The following AAK1 variants were observed in gnomAD, a reference collection of about 807,000 sequenced individuals.
AAK1 encodes AP2 associated kinase 1.
Under a neutral mutation model 116.0 loss-of-function variants are expected in AAK1, and 37 were observed. That is an observed-to-expected ratio of 0.32 (90% CI 0.25 to 0.42). AAK1 has a LOEUF of 0.42. AAK1 is among the 10% of genes least tolerant of loss of function. The probability of loss-of-function intolerance (pLI) is 1.00; values close to 1 mark genes in which losing one functional copy is unlikely to be tolerated. For missense variants in AAK1, 919 were observed against 1,170.6 expected, an observed-to-expected ratio of 0.79 and a Z score of 3.14; for synonymous variants, 458 against 439.9, an observed-to-expected ratio of 1.04 and a Z score of -0.51.
chr2:69,587,384 C>T (rs200502299), intron 2 of AAK1, among the ~76,000 whole-genome samples: 8 of 35,920 alleles, frequency 2.2e-4, no homozygotes, highest in East Asian at 4.4e-3. Flanking sequence ...CACATATATA[C>T]ACACACGTGT....
Position 69,519,070 on chromosome 2 carries a change from G to T in AAK1, c.1381C>A (p.Pro461Thr), listed in dbSNP as rs750429414. The change falls in exon 12 of 22, where the codon CCC becomes ACC. Residue 461 changes from proline to threonine, a missense_variant. Around this residue, in one of 4 missense-constraint regions of AAK1, gnomAD observed 214 missense variants for 210.6 expected, o/e 1.02. Transcript: ENST00000409085. ...AGGAAGAGTTGCTGCTGGTGCTGGGGTGTGGCCTGGGCCTGAGCGGGCAGA... is the reference window on the plus strand; with the variant it reads ...AGGAAGAGTTGCTGCTGGTGCTGGGTTGTGGCCTGGGCCTGAGCGGGCAGA... ...QGLPAQAQAT[P>T]QHQQQLFLKQ... The T allele has an allele frequency of 1.9e-6, 3 of 1,551,468 alleles. No individual in the cohort carries two copies. In the South Asian group the frequency reaches 3.6e-5, roughly 18 times the overall value.
At chr2:69,515,094 C>T (rs988963763) in intron 12 of AAK1, among the ~76,000 whole-genome samples, 1 of 152,156 alleles carries the variant, frequency 6.6e-6, no homozygotes, top group African/African-American at 2.4e-5. Flanking sequence ...TAAACGATCT[C>T]CTAATCATAG....
Position 69,469,742 on chromosome 2 carries a change from T to C in AAK1, c.*6127A>G. ...TTCCCTCAAACTGGATCATGCCTCTTTTTATTTTGGTTTCACACATAAAAT... is the reference window on the plus strand; with the variant it reads ...TTCCCTCAAACTGGATCATGCCTCTCTTTATTTTGGTTTCACACATAAAAT... On this transcript the variant is annotated 3_prime_UTR_variant, in exon 22 of 22. Coordinates refer to ENST00000409085, the MANE Select transcript of AAK1 (RefSeq NM_014911.5). 1 of 985,376 alleles carries C rather than the reference T, an allele frequency of 1.0e-6. No individual in the cohort carries two copies. Among genetic ancestry groups the C allele is most frequent in the South Asian group, 4.7e-5 (1 of 21,290 alleles). The allele number at this position is 985,376 out of a possible 1,614,324, so 61.0% of individuals were successfully genotyped here.
Position 69,530,584 on chromosome 2 carries a change from C to T in AAK1, c.738+41G>A, listed in dbSNP as rs770149002. The stretch of plus-strand genomic sequence containing the variant: ...TAACCTTGGGAATTCACAGTCAAGA[C>T]TGCTGCTATCTGAGGTATGGATAGG... On this transcript the variant is annotated intron_variant, in intron 7 of 21. Coordinates refer to ENST00000409085, the MANE Select transcript of AAK1 (RefSeq NM_014911.5). 4 of 1,523,078 alleles carry T rather than the reference C, an allele frequency of 2.6e-6. No homozygotes were observed. The South Asian group carries it at 4.5e-5, about 17-fold the overall frequency. 94.3% of individuals were successfully genotyped at this position (1,523,078 alleles called of 1,614,324 possible).
Position 69,474,066 on chromosome 2 carries a change from G to A in AAK1, c.*1803C>T. 1 of 985,876 alleles carries A rather than the reference G, an allele frequency of 1.0e-6. No homozygotes were observed. The allele number at this position is 985,876 out of a possible 1,614,324, so 61.1% of individuals were successfully genotyped here. On this transcript the variant is annotated 3_prime_UTR_variant, in exon 22 of 22. Transcript: ENST00000409085. ...GCACGGGAAGTATTTAAAGACAGAA[G>A]GAAGGCTGGAAGATTCAGACTTTTC... is the stretch of plus-strand genomic sequence containing the variant.
intron 3 of AAK1, among the ~76,000 whole-genome samples, chr2:69,546,922 C>A (rs1272413674): frequency 1.3e-5 from 2 of 152,136 alleles, no homozygotes; most frequent in Non-Finnish European, 2.9e-5. Context: ...TTTTCTCCCC[C>A]CAGCAAGATC....
At chr2:69,523,769 G>C (rs1669892686) in intron 10 of AAK1, among the ~76,000 whole-genome samples, 1 of 152,186 alleles carries the variant, frequency 6.6e-6, no homozygotes, top group South Asian at 2.1e-4. Context: ...CTTCCCATAG[G>C]TTGCTGCCAG....
At chr2:69,500,080 T>C (rs1348407213) in intron 16 of AAK1, 1 of 152,228 alleles carries the variant, frequency 6.6e-6, no homozygotes, top group African/African-American at 2.4e-5. Flanking sequence ...TATAGCCCCG[T>C]GCCATCCTCC....
chr2:69,598,021 A>G, intron 2 of AAK1: 1 of 383,834 alleles, frequency 2.6e-6, no homozygotes, highest in Non-Finnish European at 4.5e-6. Flanking sequence ...CTGAAAGGGA[A>G]GACAAAATGT....
At chr2:69,573,304 C>A (rs1366675355) in intron 2 of AAK1, among the ~76,000 whole-genome samples, 9 of 152,106 alleles carry the variant, frequency 5.9e-5, no homozygotes. Flanking sequence ...CATTCAGAAG[C>A]CAGGACAGGG....
chr2:69,611,338 T>C (rs1674071067), intron 2 of AAK1, among the ~76,000 whole-genome samples: 1 of 152,258 alleles, frequency 6.6e-6, no homozygotes, highest in Non-Finnish European at 1.5e-5. Flanking sequence ...CAGATTCTTC[T>C]GCTTTTGGAC....
At position 69,462,966 on chromosome 2, in the gene AAK1, T is replaced by TGGAAACC. The variant is rs1338190996; in HGVS notation, c.*12902_*12903insGGTTTCC. 2 of 152,262 alleles carry TGGAAACC rather than the reference T, an allele frequency of 1.3e-5. No individual in the cohort carries two copies. Among genetic ancestry groups the TGGAAACC allele is most frequent in the African/African-American group, 4.8e-5 (2 of 41,474 alleles). 9.4% of individuals were successfully genotyped at this position (152,262 alleles called of 1,614,324 possible). A position where few individuals can be genotyped will look rare whatever the true frequency, so the allele number is the denominator to read the frequency against. On this transcript the variant is annotated 3_prime_UTR_variant, in exon 22 of 22. Coordinates refer to ENST00000409085, the MANE Select transcript of AAK1 (RefSeq NM_014911.5). ...TTTCTGGCACAGTTGAAACCTTAGT[T>TGGAAACC]GGAAAACCAAACCTTGGCACAGTGC... is the stretch of plus-strand genomic sequence containing the variant.
intron 2 of AAK1, among the ~76,000 whole-genome samples, chr2:69,590,119 G>A (rs1672965593): frequency 6.6e-6 from 1 of 152,114 alleles, no homozygotes; most frequent in Non-Finnish European, 1.5e-5. Context: ...CATGAGCTCA[G>A]GTAAAAACAA....
intron 16 of AAK1, among the ~76,000 whole-genome samples, chr2:69,502,561 C>T (rs534979763): frequency 1.3e-4 from 20 of 152,190 alleles, no homozygotes; most frequent in South Asian, 1.0e-3. Context: ...GCAGAGGTTG[C>T]GGTGAGCCAA....
chr2:69,495,855 T>A (rs904182762), intron 17 of AAK1, 130 bp downstream of exon 17: 4 of 703,448 alleles, frequency 5.7e-6, no homozygotes, highest in Non-Finnish European at 9.2e-6. Flanking sequence ...AGTAAAAATA[T>A]ACAACAGCAG....
chr2:69,595,368 G>A (rs773313338), intron 2 of AAK1, among the ~76,000 whole-genome samples: 57 of 152,298 alleles, frequency 3.7e-4, no homozygotes, highest in Non-Finnish European at 5.1e-4. Context: ...CGTCCACCTC[G>A]GCCTCCCAAA....
chr2:69,597,370 G>GCCCTTCCAAGTAGGATGTCACTAGGAT (rs1673346990), intron 2 of AAK1: 1 of 153,884 alleles, frequency 6.5e-6, no homozygotes, highest in Non-Finnish European at 1.5e-5. Context: ...TCCCTGGACA[G>GCCCTTCCAAGTAGGATGTCACTAGGAT]CCCTTCCAAG....
rs1438898703 is a variant in AAK1, at chr2:69,470,124, C to A, written c.*5745G>T. ...AGACTTAAATGTCAGGCTGGATATT[C>A]CTTAATGAAATACATCACACAACAC... On this transcript the variant is annotated 3_prime_UTR_variant, in exon 22 of 22. Coordinates refer to ENST00000409085, the MANE Select transcript of AAK1 (RefSeq NM_014911.5). 1.0e-6 allele frequency: 1 copy of A among 985,436 alleles called. No homozygotes were observed. The highest frequency in any genetic ancestry group is 1.2e-6 in the Non-Finnish European group (1 of 829,946). 61.0% of individuals were successfully genotyped at this position (985,436 alleles called of 1,614,324 possible). A position where few individuals can be genotyped will look rare whatever the true frequency, so the allele number is the denominator to read the frequency against.
intron 15 of AAK1, 102 bp from the exon 16 acceptor site, chr2:69,505,775 G>A: frequency 1.3e-6 from 1 of 774,544 alleles, no homozygotes; most frequent in South Asian, 1.8e-5. Flanking sequence ...TTCTGGACTT[G>A]ACTACTTTTA....
Sources: allele counts gnomAD v4.1 joint callset (sites outside exome capture counted in the v4.1 genomes callset), GRCh38; gene constraint gnomAD v4.1.1; regional missense constraint gnomAD v4.1.1; transcripts MANE v1.5; gene names NCBI Gene and HGNC (gene_info 2026-07-23, HGNC 2026-07-21).